Variants in ZNF140 observed in about 807,000 individuals in gnomAD.
ZNF140 encodes the protein zinc finger protein 140.
ZNF140 carries 13 observed loss-of-function variants against 12.9 expected under a neutral mutation model. The ratio of observed to expected loss-of-function variants is 1.01; its 90% CI spans 0.66 to 1.60. ZNF140 has a LOEUF of 1.60. Among genes scored for constraint, ZNF140 ranks in the 40% most tolerant of loss-of-function variants. The probability of loss-of-function intolerance (pLI) is 0.00; values close to 1 mark genes in which losing one functional copy is unlikely to be tolerated. For missense variants in ZNF140, 531 were observed against 548.8 expected (o/e 0.97, Z 0.32); for synonymous variants, 214 against 186.7 (o/e 1.15, Z -1.19).
At chr12:133,083,320 TG>T (rs1217870685) in intron 3 of ZNF140, 91 bp downstream of exon 3, 3 of 1,517,450 alleles carry the variant, frequency 2.0e-6, no homozygotes, top group African/African-American at 2.8e-5. Context: ...AAGAGAGGTA[TG>T]GGGTTTCTTA....
At chr12:133,087,994 G>C (rs1048299419) in intron 4 of ZNF140, among the ~76,000 whole-genome samples, 15 of 152,172 alleles carry the variant, frequency 9.9e-5, no homozygotes, top group Non-Finnish European at 1.6e-4. Flanking sequence ...GCCGGGTGTG[G>C]TGGTGTGCGC....
At chr12:133,080,717 C>CT (rs1188988044), upstream of ZNF140, 3 of 152,424 alleles carry the variant, frequency 2.0e-5, no homozygotes, top group Non-Finnish European at 2.9e-5. Context: ...GGCCCTCGTT[C>CT]TTTGTCTCCT....
intron 4 of ZNF140, among the ~76,000 whole-genome samples, chr12:133,088,715 C>T (rs1183471802): frequency 6.6e-6 from 1 of 152,162 alleles, no homozygotes; most frequent in Non-Finnish European, 1.5e-5. Context: ...TTTGCATTCC[C>T]GTCAGCAATG....
At chr12:133,103,085 A>T (rs1955418719) in intron 4 of ZNF140, among the ~76,000 whole-genome samples, 1 of 152,226 alleles carries the variant, frequency 6.6e-6, no homozygotes, top group South Asian at 2.1e-4. Flanking sequence ...GTTTCAATAC[A>T]TGTATACATT....
chr12:133,084,147 TG>T, intron 4 of ZNF140: 1 of 440,488 alleles, frequency 2.3e-6, no homozygotes, highest in African/African-American at 2.0e-5. Context: ...TAGTTCTGTC[TG>T]GTCTCTGAAT....
chr12:133,102,115 C>G (rs1718842981), intron 4 of ZNF140, among the ~76,000 whole-genome samples: 2 of 152,162 alleles, frequency 1.3e-5, no homozygotes, highest in South Asian at 4.1e-4. Context: ...GCCTGTGCTT[C>G]TGGACTAAGA....
chr12:133,098,121 T>A (rs1363383242), intron 4 of ZNF140, among the ~76,000 whole-genome samples: 1 of 151,152 alleles, frequency 6.6e-6, no homozygotes, highest in East Asian at 2.0e-4. Context: ...GGCGTGAGCC[T>A]ACGCACCCAG....
rs367559322 is a variant in ZNF140 at position 133,090,806 on chromosome 12, G to T, written c.232+7245G>T. Among the ~76,000 whole-genome samples the T allele has an allele frequency of 2.2e-3, 296 of 134,364 alleles. 5 individuals are homozygous for T. The highest frequency in any genetic ancestry group is 7.0e-3 in the African/African-American group (254 of 36,508). The allele number at this position is 134,364 out of a possible 152,430, so 88.1% of individuals were successfully genotyped here. ...GTCAGCAAAAAACATGTGAGCAAAA[G>T]AATCTATATCATAATTAGGTTTAAG... is the stretch of plus-strand genomic sequence containing the variant. On this transcript the variant is annotated intron_variant, in intron 4 of 4. Coordinates refer to ENST00000355557, the MANE Select transcript of ZNF140 (RefSeq NM_003440.4).
chr12:133,083,591 T>G, intron 4 of ZNF140, 30 bp downstream of exon 4: 1 of 1,583,282 alleles, frequency 6.3e-7, no homozygotes, highest in African/African-American at 1.4e-5. Flanking sequence ...ATGGGGAAAT[T>G]TTTTAAAACC....
At position 133,083,067 on chromosome 12, in the gene ZNF140, C is replaced by A. The variant is rs1376816488; in HGVS notation, c.10-36C>A. 9 of 1,613,534 alleles carry A rather than the reference C, an allele frequency of 5.6e-6. No homozygotes were observed. In the South Asian group the frequency reaches 8.8e-5, roughly 16 times the overall value. On this transcript the variant is annotated intron_variant, in intron 2 of 4. Transcript: ENST00000355557. ...CTTGATGAGGGAGTTTGGGGGCATG[C>A]GTGCTGGTCATGCAAATATCTGTCC...
At chr12:133,101,078 T>G (rs1955330290) in intron 4 of ZNF140, 1 of 397,234 alleles carries the variant, frequency 2.5e-6, no homozygotes, top group African/African-American at 2.1e-5. Flanking sequence ...CTTTGACTTC[T>G]TTTTTCTTTG....
At chr12:133,104,320 G>A (rs1955485493) in intron 4 of ZNF140, among the ~76,000 whole-genome samples, 2 of 150,646 alleles carry the variant, frequency 1.3e-5, no homozygotes, top group African/African-American at 4.9e-5. Flanking sequence ...ACACTTAAGT[G>A]TAGATTTCCT....
intron 4 of ZNF140, among the ~76,000 whole-genome samples, chr12:133,104,173 GTAAAAGTTA>G (rs1295410764): frequency 6.6e-6 from 1 of 152,168 alleles, no homozygotes; most frequent in African/African-American, 2.4e-5. Context: ...TTAAGCTTAT[GTAAAAGTTA>G]TAAGAATAGT....
chr12:133,103,372 G>A (rs1389500409), intron 4 of ZNF140, among the ~76,000 whole-genome samples: 11 of 151,962 alleles, frequency 7.2e-5, no homozygotes, highest in Non-Finnish European at 1.6e-4. Flanking sequence ...AGTCCTTCCA[G>A]GTCACTCTGT....
intron 4 of ZNF140, among the ~76,000 whole-genome samples, chr12:133,088,499 A>G (rs1254566171): frequency 1.3e-5 from 2 of 152,342 alleles, no homozygotes; most frequent in Admixed American, 6.5e-5. Flanking sequence ...GTTTACTTAT[A>G]TGTTCACCTA....
chr12:133,081,252 G>A, intron 1 of ZNF140, 21 bp from the exon 2 acceptor site: 3 of 1,435,346 alleles, frequency 2.1e-6, no homozygotes, highest in Non-Finnish European at 9.5e-7. Context: ...TTCGCTCAGG[G>A]CTCCTTTCTC....
rs761030822 is a variant in ZNF140 at position 133,099,376 on chromosome 12, C to T, written c.233-6134C>T. Among the ~76,000 whole-genome samples the T allele has an allele frequency of 4.3e-3, 651 of 152,180 alleles. 6 individuals are homozygous for T. The highest frequency in any genetic ancestry group is 0.014 in the African/African-American group (598 of 41,532). The stretch of plus-strand genomic sequence containing the variant: ...ATTTTTAGTAGAGACGGGGTTTCAC[C>T]GTGTTGGCCAGGCTGGTCTCAAACT... On this transcript the variant is annotated intron_variant, in intron 4 of 4. Transcript: ENST00000355557.
chr12:133,097,621 C>T (rs1055358375), intron 4 of ZNF140, among the ~76,000 whole-genome samples: 12 of 148,016 alleles, frequency 8.1e-5, no homozygotes, highest in Admixed American at 5.4e-4. Context: ...CCAGCCTGGG[C>T]AACAGAGCGA....
chr12:133,095,817 C>T (rs1466381195), intron 4 of ZNF140, among the ~76,000 whole-genome samples: 6 of 151,984 alleles, frequency 3.9e-5, no homozygotes, highest in Non-Finnish European at 8.8e-5. Context: ...TGTTTCTCTC[C>T]ACCCAAACAT....
Sources: allele counts gnomAD v4.1 joint callset (sites outside exome capture counted in the v4.1 genomes callset), GRCh38; gene constraint gnomAD v4.1.1; transcripts MANE v1.5; gene names NCBI Gene and HGNC (gene_info 2026-07-23, HGNC 2026-07-21).